The following PARD3 variants were observed in gnomAD, a reference collection of about 807,000 sequenced individuals.
The protein encoded by PARD3 is par-3 family cell polarity regulator.
A neutral mutation model predicts 155.4 loss-of-function variants in PARD3; 75 were observed. The ratio of observed to expected loss-of-function variants is 0.48; its 90% CI spans 0.40 to 0.58. PARD3 has a LOEUF of 0.58. Ranked by LOEUF, PARD3 falls within the 20% of genes least tolerant of loss-of-function variation. PARD3 has a pLI of 0.00. For synonymous variants in PARD3, 576 were observed against 610.5 expected, an observed-to-expected ratio of 0.94 and a Z score of 0.83; for missense variants, 1,642 against 1,721.7, an observed-to-expected ratio of 0.95 and a Z score of 0.82.
intron 23 of PARD3, among the ~76,000 whole-genome samples, chr10:34,129,698 C>CTT (rs1346445542): frequency 5.0e-5 from 3 of 59,708 alleles, no homozygotes; most frequent in Non-Finnish European, 8.9e-5. Flanking sequence ...AATGTCAAGC[C>CTT]TCTTTTTTTT....
chr10:34,496,020 T>C (rs1434560202), intron 3 of PARD3, among the ~76,000 whole-genome samples: 2 of 151,864 alleles, frequency 1.3e-5, no homozygotes, highest in Non-Finnish European at 2.9e-5. Flanking sequence ...CTGGGCAATA[T>C]GGCAAAACCC....
At chr10:34,241,168 T>G (rs1261978227) in intron 22 of PARD3, among the ~76,000 whole-genome samples, 1 of 152,222 alleles carries the variant, frequency 6.6e-6, no homozygotes, top group Non-Finnish European at 1.5e-5. Context: ...GTGGTGGGGC[T>G]TGGCTTGTGC....
At chr10:34,300,025 C>G (rs1201503241) in intron 20 of PARD3, among the ~76,000 whole-genome samples, 1 of 152,102 alleles carries the variant, frequency 6.6e-6, no homozygotes, top group Non-Finnish European at 1.5e-5. Flanking sequence ...AATGCAATAA[C>G]CGGAGAGTAC....
At chr10:34,346,487 T>C in intron 15 of PARD3, 2 of 1,343,152 alleles carry the variant, frequency 1.5e-6, no homozygotes, top group Non-Finnish European at 2.0e-6. Flanking sequence ...TCACTTTGTG[T>C]GCACAAATAT....
intron 7 of PARD3, among the ~76,000 whole-genome samples, chr10:34,393,545 G>A (rs561533139): frequency 4.2e-4 from 63 of 151,620 alleles, no homozygotes; most frequent in Middle Eastern, 3.4e-3. Flanking sequence ...TCTCCAGCCC[G>A]GGCAACAGAG....
At chr10:34,370,163 TA>T (rs1262238881) in intron 12 of PARD3, among the ~76,000 whole-genome samples, 1 of 152,134 alleles carries the variant, frequency 6.6e-6, no homozygotes, top group Non-Finnish European at 1.5e-5. Flanking sequence ...CAAACTAAAC[TA>T]TACTTTTAAC....
chr10:34,526,901 T>C (rs1036809715), intron 2 of PARD3, among the ~76,000 whole-genome samples: 22 of 152,338 alleles, frequency 1.4e-4, no homozygotes, highest in African/African-American at 5.3e-4. Flanking sequence ...CATTCCCTCG[T>C]TGGGCTTCCT....
intron 4 of PARD3, among the ~76,000 whole-genome samples, chr10:34,460,909 G>C (rs751174326): frequency 6.6e-6 from 1 of 152,188 alleles, no homozygotes; most frequent in Admixed American, 6.5e-5. Flanking sequence ...ATAATTAAAT[G>C]ATATATAACA....
chr10:34,144,086 G>A (rs2132889454), intron 22 of PARD3, among the ~76,000 whole-genome samples: 1 of 152,216 alleles, frequency 6.6e-6, no homozygotes, highest in African/African-American at 2.4e-5. Flanking sequence ...CAAAAACAGT[G>A]TGACCATATT....
chr10:34,426,706 G>A (rs190837070), intron 5 of PARD3: 2 of 152,062 alleles, frequency 1.3e-5, no homozygotes, highest in African/African-American at 4.8e-5. Context: ...AAATGTAGGA[G>A]ACCTTCAATA....
chr10:34,389,239 T>TAAAAAAAAA lies in PARD3; in HGVS notation c.891-4994_891-4986dup, dbSNP rs57615675. Among the ~76,000 whole-genome samples the TAAAAAAAAA allele has an allele frequency of 9.4e-4, 62 of 65,848 alleles. 4 individuals carry two copies. The highest frequency in any genetic ancestry group is 3.4e-3 in the African/African-American group (47 of 13,800). 43.2% of individuals were successfully genotyped at this position (65,848 alleles called of 152,430 possible). On this transcript the variant is annotated intron_variant, in intron 7 of 24. Coordinates refer to ENST00000374788, the MANE Select transcript of PARD3 (RefSeq NM_001184785.2). ...GACTTCGTTTTTGAACAATGTTTCT[T>TAAAAAAAAA]AAAAAAAAAAAAAAAAAAAAAAAAA...
In PARD3 at chr10:34,341,652, C is replaced by T; in HGVS notation, c.2383G>A (p.Ala795Thr). Residue 795 changes from alanine to threonine, a missense_variant, in exon 16 of 25, where the codon GCT becomes ACT. By Grantham distance (58) the Ala-to-Thr change is moderately conservative. Coordinates refer to ENST00000374788, the MANE Select transcript of PARD3 (RefSeq NM_001184785.2). ...CAGTCGGCTGAATCACTGATTGCAG[C>T]CTTGGCCCAAGTACCAGCATCTGCC... ...VTADAGTWAK[A>T]AISDSADCSL... The T allele has an allele frequency of 6.2e-7, 1 of 1,613,280 alleles. No homozygotes were observed. The highest frequency in any genetic ancestry group is 8.5e-7 in the Non-Finnish European group (1 of 1,179,694).
At chr10:34,499,325 G>A (rs2080512455) in intron 3 of PARD3, among the ~76,000 whole-genome samples, 1 of 152,166 alleles carries the variant, frequency 6.6e-6, no homozygotes, top group Non-Finnish European at 1.5e-5. Context: ...TGTTTCAGAT[G>A]TGCTTTCAGT....
At chr10:34,576,103 T>C (rs1406588418) in intron 2 of PARD3, among the ~76,000 whole-genome samples, 1 of 152,140 alleles carries the variant, frequency 6.6e-6, no homozygotes, top group East Asian at 1.9e-4. Flanking sequence ...ATCACTGATG[T>C]TTGCCAGAGA....
At chr10:34,343,655 A>G in intron 15 of PARD3, 2 of 985,346 alleles carry the variant, frequency 2.0e-6, no homozygotes, top group Non-Finnish European at 2.4e-6. Context: ...AAAACTTTAC[A>G]TATTCTACTA....
intron 5 of PARD3, among the ~76,000 whole-genome samples, chr10:34,423,583 T>C (rs1048921317): frequency 6.6e-6 from 1 of 152,192 alleles, no homozygotes; most frequent in African/African-American, 2.4e-5. Context: ...TATACATTTT[T>C]GTCAATTAAA....
intron 5 of PARD3, among the ~76,000 whole-genome samples, chr10:34,421,888 C>T (rs75319442): frequency 0.027 from 4,115 of 152,130 alleles, 186 homozygotes; most frequent in African/African-American, 0.094. Flanking sequence ...GAGGTGGGGA[C>T]GTTGCAGAGG....
chr10:34,799,185 G>A (rs1246486507), intron 1 of PARD3, among the ~76,000 whole-genome samples: 2 of 152,126 alleles, frequency 1.3e-5, no homozygotes, highest in African/African-American at 2.4e-5. Flanking sequence ...GGGACTACAG[G>A]TGCCTGCCAC....
intron 2 of PARD3, among the ~76,000 whole-genome samples, chr10:34,648,174 C>T (rs2092902229): frequency 6.6e-6 from 1 of 152,150 alleles, no homozygotes; most frequent in Admixed American, 6.5e-5. Context: ...CATATGTGAA[C>T]CCCAGATGCA....
Sources: allele counts gnomAD v4.1 joint callset (sites outside exome capture counted in the v4.1 genomes callset), GRCh38; gene constraint gnomAD v4.1.1; transcripts MANE v1.5; gene names NCBI Gene and HGNC (gene_info 2026-07-23, HGNC 2026-07-21).